ARHGAP8: variants seen among roughly 807,000 people sequenced by gnomAD.
ARHGAP8 encodes rho GTPase-activating protein 8.
ARHGAP8 carries 62 observed loss-of-function variants against 46.1 expected under a neutral mutation model. The observed-to-expected ratio is 1.34, with a 90% CI of 1.10 to 1.66. The LOEUF (loss-of-function observed/expected upper bound fraction) is 1.66. Ranked by LOEUF, ARHGAP8 falls within the 40% of genes most tolerant of loss-of-function variation. ARHGAP8 has a pLI of 0.00. For synonymous variants in ARHGAP8, 375 were observed against 243.1 expected, an observed-to-expected ratio of 1.54 and a Z score of -5.05; for missense variants, 923 against 568.4, an observed-to-expected ratio of 1.62 and a Z score of -6.34.
At chr22:44,799,139 A>G (rs1043214818) in intron 2 of ARHGAP8, among the ~76,000 whole-genome samples, 6 of 152,192 alleles carry the variant, frequency 3.9e-5, no homozygotes, top group Non-Finnish European at 8.8e-5. Flanking sequence ...GCCCCTTTGT[A>G]CAGCCCCCCG....
intron 2 of ARHGAP8, among the ~76,000 whole-genome samples, chr22:44,792,854 T>TA (rs1273072991): frequency 6.6e-6 from 1 of 151,496 alleles, no homozygotes; most frequent in African/African-American, 2.4e-5. Flanking sequence ...GATGAAGTCT[T>TA]ACTCTGTTGC....
At chr22:44,778,954 A>ACCT (rs140574) in intron 1 of ARHGAP8, among the ~76,000 whole-genome samples, 2 of 2,404 alleles carry the variant, frequency 8.3e-4, no homozygotes, top group African/African-American at 4.0e-3. Flanking sequence ...TTTCACCCAT[A>ACCT]ATGAGTGAAC....
intron 1 of ARHGAP8, among the ~76,000 whole-genome samples, chr22:44,763,080 T>G (rs1047497914): frequency 6.6e-6 from 1 of 152,080 alleles, no homozygotes. Flanking sequence ...GTCCAAATTG[T>G]GAAACAACAA....
At position 44,808,303 on chromosome 22, in the gene ARHGAP8, C is replaced by T; in HGVS notation, c.168-4C>T. 6.2e-7 allele frequency: 1 copy of T among 1,611,552 alleles called. No homozygotes were observed. The highest frequency in any genetic ancestry group is 8.5e-7 in the Non-Finnish European group (1 of 1,178,436). Reference sequence around the variant, plus strand: ...CATAACTGAATCTTCTGTGTTGTGCCCAGGTATTTGAAGTACACACTGGAC... The same window carrying T: ...CATAACTGAATCTTCTGTGTTGTGCTCAGGTATTTGAAGTACACACTGGAC... On this transcript the variant is annotated splice_polypyrimidine_tract_variant and splice_region_variant and intron_variant, in intron 3 of 11. Transcript: ENST00000356099.
chr22:44,802,826 T>A lies in ARHGAP8; in HGVS notation c.167+662T>A, dbSNP rs866923348. 1.1e-4 allele frequency among the ~76,000 whole-genome samples: 16 copies of A among 152,176 alleles called. No individual in the cohort carries two copies. In the East Asian group the frequency reaches 2.3e-3, roughly 22 times the overall value. On this transcript the variant is annotated intron_variant, in intron 3 of 11. Transcript: ENST00000356099. Reference sequence around the variant, plus strand: ...TTTGCCTCTGTGTCTTCCCATCTCATAAGGACACCAGCCACGGGACTAGAG... The same window carrying A: ...TTTGCCTCTGTGTCTTCCCATCTCAAAAGGACACCAGCCACGGGACTAGAG...
At chr22:44,861,856 G>C (rs578213542) in intron 11 of ARHGAP8, among the ~76,000 whole-genome samples, 1 of 152,114 alleles carries the variant, frequency 6.6e-6, no homozygotes, top group Non-Finnish European at 1.5e-5. Context: ...CACTCTCCCT[G>C]CCCCTCGTAG....
intron 5 of ARHGAP8, among the ~76,000 whole-genome samples, chr22:44,818,449 TC>T (rs1436230751): frequency 1.0e-5 from 1 of 100,264 alleles, no homozygotes; most frequent in Non-Finnish European, 1.7e-5. Flanking sequence ...GACTCCAGTC[TC>T]AAAAAAAAAA....
At chr22:44,756,740 A>T (rs1447311440) in intron 1 of ARHGAP8, among the ~76,000 whole-genome samples, 2 of 151,578 alleles carry the variant, frequency 1.3e-5, no homozygotes, top group African/African-American at 2.4e-5. Flanking sequence ...CTAAAAAATT[A>T]TTTTTTCCTC....
chr22:44,832,857 C>T (rs1362481763), intron 7 of ARHGAP8, among the ~76,000 whole-genome samples: 1 of 152,056 alleles, frequency 6.6e-6, no homozygotes, highest in Non-Finnish European at 1.5e-5. Context: ...CTGGGCTAAG[C>T]AGCATGTACC....
At chr22:44,834,902 G>A (rs550119756) in intron 7 of ARHGAP8, among the ~76,000 whole-genome samples, 32 of 151,956 alleles carry the variant, frequency 2.1e-4, no homozygotes, top group Middle Eastern at 3.4e-3. Flanking sequence ...CTATTTTGTC[G>A]GATATTAATA....
intron 3 of ARHGAP8, among the ~76,000 whole-genome samples, chr22:44,804,188 A>G (rs1056668767): frequency 3.3e-5 from 5 of 151,936 alleles, no homozygotes; most frequent in African/African-American, 9.7e-5. Flanking sequence ...TCACCTGTGT[A>G]TGGCCTTGGG....
At chr22:44,824,105 C>T (rs989833850) in intron 6 of ARHGAP8, among the ~76,000 whole-genome samples, 14 of 152,294 alleles carry the variant, frequency 9.2e-5, no homozygotes, top group Admixed American at 2.6e-4. Flanking sequence ...GCTGCGAGCA[C>T]CAGAGGCTGA....
intron 5 of ARHGAP8, among the ~76,000 whole-genome samples, chr22:44,815,343 C>T (rs1009887585): frequency 2.6e-5 from 4 of 152,148 alleles, no homozygotes; most frequent in African/African-American, 7.2e-5. Flanking sequence ...AGCATCCACC[C>T]GGCTGACCTC....
At chr22:44,795,268 G>A (rs575209197) in intron 2 of ARHGAP8, among the ~76,000 whole-genome samples, 1 of 152,082 alleles carries the variant, frequency 6.6e-6, no homozygotes, top group African/African-American at 2.4e-5. Context: ...GAACAGGGAC[G>A]TGACCCAGTG....
intron 7 of ARHGAP8, among the ~76,000 whole-genome samples, chr22:44,838,027 G>A (rs958675210): frequency 6.6e-5 from 10 of 152,102 alleles, no homozygotes; most frequent in Admixed American, 6.5e-5. Context: ...AGGCTGGAGT[G>A]CAGTGGCACA....
chr22:44,784,782 C>T (rs527533541), intron 1 of ARHGAP8, among the ~76,000 whole-genome samples: 1 of 152,340 alleles, frequency 6.6e-6, no homozygotes, highest in Admixed American at 6.5e-5. Flanking sequence ...CTGTTCTGCC[C>T]GACGCAGGGG....
chr22:44,787,797 C>T (rs1927367582), intron 2 of ARHGAP8, among the ~76,000 whole-genome samples: 1 of 151,954 alleles, frequency 6.6e-6, no homozygotes, highest in Non-Finnish European at 1.5e-5. Context: ...AAAAAGAGGC[C>T]AGTTCTCAAA....
chr22:44,780,304 C>G (rs1926749147), intron 1 of ARHGAP8, among the ~76,000 whole-genome samples: 1 of 152,068 alleles, frequency 6.6e-6, no homozygotes, highest in African/African-American at 2.4e-5. Context: ...CTGCAGTGAG[C>G]TGTGATTGCG....
At chr22:44,754,263 C>T (rs903178110) in intron 1 of ARHGAP8, among the ~76,000 whole-genome samples, 6 of 151,712 alleles carry the variant, frequency 4.0e-5, no homozygotes, top group African/African-American at 7.3e-5. Context: ...TTGTGAGGTA[C>T]GGGTGGAAAA....
Sources: allele counts gnomAD v4.1 joint callset (sites outside exome capture counted in the v4.1 genomes callset), GRCh38; gene constraint gnomAD v4.1.1; transcripts MANE v1.5; gene names NCBI Gene and HGNC (gene_info 2026-07-23, HGNC 2026-07-21).